Variants in SLC28A1 observed in about 807,000 individuals in gnomAD.
SLC28A1 encodes the protein solute carrier family 28 member 1.
In SLC28A1, 64 loss-of-function variants were observed where a neutral mutation model predicts 74.8. That is an observed-to-expected ratio of 0.86 (90% confidence interval 0.70 to 1.05). SLC28A1 has a LOEUF of 1.05. Ranked by LOEUF, SLC28A1 falls within the 50% of genes least tolerant of loss-of-function variation. SLC28A1 has a pLI of 0.00. For missense variants in SLC28A1, 828 were observed against 822.8 expected (o/e 1.01, Z -0.08); for synonymous variants, 359 against 335.0 (o/e 1.07, Z -0.78).
chr15:84,963,111 C>G, the SLC28A1 span, among the ~76,000 whole-genome samples: 2 of 152,150 alleles, frequency 1.3e-5, no homozygotes, highest in Non-Finnish European at 2.9e-5. Context: ...AACGATATGC[C>G]TGAGATTGAA....
At position 84,945,143 on chromosome 15, in the gene SLC28A1, C is replaced by G; in HGVS notation, c.1893C>G (p.Ser631Arg). The change falls in exon 19 of 19, where the codon AGC (serine) becomes AGG (arginine). Residue 631 changes from serine (S) to arginine (R), a missense_variant. This residue lies in a region of SLC28A1 where 53 missense variants were observed against 44.5 expected (regional missense o/e 1.19). Coordinates refer to ENST00000394573, the MANE Select transcript of SLC28A1 (RefSeq NM_004213.5). Reference sequence around the variant, plus strand: ...TTTTTAGCGTCAATCCAGAGTTCAGCCCAGAGGCCCTGGACAACTGCTGTC... The same window carrying G: ...TTTTTAGCGTCAATCCAGAGTTCAGGCCAGAGGCCCTGGACAACTGCTGTC... ...EAFQSVNPEF[S>R]PEALDNCCRF... The G allele has an allele frequency of 1.2e-6, 2 of 1,614,054 alleles. No homozygotes were observed. The highest frequency in any genetic ancestry group is 1.1e-5 in the South Asian group (1 of 91,078).
chr15:84,935,559 C>T lies in SLC28A1; in HGVS notation c.1581+41C>T, dbSNP rs752427019. The T allele has an allele frequency of 2.7e-5, 42 of 1,553,908 alleles. No individual in the cohort carries two copies. In the East Asian group the frequency reaches 4.3e-4, roughly 16 times the overall value. On this transcript the variant is annotated intron_variant, in intron 15 of 18. Coordinates refer to ENST00000394573, the MANE Select transcript of SLC28A1 (RefSeq NM_004213.5). ...CCTTCCCTGCAGCAGGGGGATGACA[C>T]GGCACAGCCACTCCTCAGGGCCCCT... is the stretch of plus-strand genomic sequence containing the variant.
the SLC28A1 span, chr15:84,961,561 G>A: frequency 2.2e-6 from 1 of 450,662 alleles, no homozygotes; most frequent in African/African-American, 2.0e-5. Flanking sequence ...GGCTGGTCTT[G>A]AACTCCTGGC....
intron 9 of SLC28A1, among the ~76,000 whole-genome samples, chr15:84,918,014 C>G (rs924721225): frequency 1.3e-5 from 2 of 152,034 alleles, no homozygotes; most frequent in Non-Finnish European, 2.9e-5. Context: ...AAGCCTAATT[C>G]TGAGCATGTT....
At chr15:84,951,434 A>G in the SLC28A1 span, among the ~76,000 whole-genome samples, 52 of 63,686 alleles carry the variant, frequency 8.2e-4, no homozygotes, top group East Asian at 0.026. Context: ...TTAAAAAAAA[A>G]TAATTAAAAA....
intron 15 of SLC28A1, among the ~76,000 whole-genome samples, chr15:84,936,732 T>C (rs1039558054): frequency 6.6e-6 from 1 of 152,216 alleles, no homozygotes; most frequent in African/African-American, 2.4e-5. Context: ...GTTATTGTTG[T>C]TTCTTACATT....
chr15:84,921,193 A>G (rs922960405), intron 11 of SLC28A1, 124 bp downstream of exon 11: 4 of 765,630 alleles, frequency 5.2e-6, no homozygotes, highest in Non-Finnish European at 9.2e-6. Context: ...TCCCAGGGTC[A>G]TCAAATTCTG....
chr15:84,895,168 G>A (rs777169032), intron 6 of SLC28A1, 45 bp downstream of exon 6: 2 of 1,606,992 alleles, frequency 1.2e-6, no homozygotes, highest in Admixed American at 1.7e-5. Context: ...GAGGGCCCAT[G>A]AGCTGAGGGG....
rs1491147464 is a variant in SLC28A1 at position 84,935,945 on chromosome 15, G to GT, written c.1581+432dup. Among the ~76,000 whole-genome samples the GT allele has an allele frequency of 3.5e-4, 30 of 85,926 alleles. 1 individual carries two copies. The highest frequency in any genetic ancestry group is 8.9e-4 in the African/African-American group (20 of 22,502). 56.4% of individuals were successfully genotyped at this position (85,926 alleles called of 152,430 possible). A position where few individuals can be genotyped will look rare whatever the true frequency, so the allele number is the denominator to read the frequency against. ...ACCCTCACTGTTTTGTTTTGGTTTG[G>GT]TTTTTGTTTTTTTTTTTTTTTTTTT... On this transcript the variant is annotated intron_variant, in intron 15 of 18. Transcript: ENST00000394573.
At chr15:84,954,005 A>C in the SLC28A1 span, among the ~76,000 whole-genome samples, 2 of 152,190 alleles carry the variant, frequency 1.3e-5, no homozygotes, top group African/African-American at 4.8e-5. Context: ...GTCTTCCTGC[A>C]CTGTGACCTC....
At chr15:84,890,584 C>T (rs750976319) in intron 5 of SLC28A1, 50 bp downstream of exon 5, 4 of 1,406,176 alleles carry the variant, frequency 2.8e-6, no homozygotes, top group East Asian at 2.4e-5. Context: ...CCTGCCTCAG[C>T]TATCCATGTC....
intron 12 of SLC28A1, chr15:84,926,517 A>C (rs1402953752): frequency 2.2e-6 from 1 of 455,168 alleles, no homozygotes; most frequent in Non-Finnish European, 4.4e-6. Context: ...TCACTTTAAA[A>C]ATATTCTTTC....
chr15:84,946,053 TACATAC>T (rs1328921370), downstream of SLC28A1, among the ~76,000 whole-genome samples: 44 of 123,848 alleles, frequency 3.6e-4, no homozygotes, highest in African/African-American at 1.3e-3. Flanking sequence ...CACATATATA[TACATAC>T]ATATATATAT....
At chr15:84,946,734 C>T (rs1056686112), downstream of SLC28A1, among the ~76,000 whole-genome samples, 2 of 152,100 alleles carry the variant, frequency 1.3e-5, no homozygotes, top group African/African-American at 4.8e-5. Flanking sequence ...CGCTGCCTTT[C>T]CTCCCCACCC....
At chr15:84,897,699 C>T (rs1210511994) in intron 6 of SLC28A1, among the ~76,000 whole-genome samples, 3 of 152,232 alleles carry the variant, frequency 2.0e-5, no homozygotes, top group Admixed American at 2.0e-4. Context: ...ACTGTAGCCA[C>T]CTTACTGATC....
rs60285824 is a variant in SLC28A1, at chr15:84,900,871, C to CAAGGAAGGAAGGAAGGAAGG, written c.462-3202_462-3183dup. ...GAAAGGGAAGGGGAAGGGTGAAAGG[C>CAAGGAAGGAAGGAAGGAAGG]AAGGAAGGAAGGAAGGAAGGAAGGA... On this transcript the variant is annotated intron_variant, in intron 6 of 18. Coordinates refer to ENST00000394573, the MANE Select transcript of SLC28A1 (RefSeq NM_004213.5). Among the ~76,000 whole-genome samples the CAAGGAAGGAAGGAAGGAAGG allele has an allele frequency of 4.2e-3, 608 of 146,464 alleles. 2 individuals carry two copies. The highest frequency in any genetic ancestry group is 5.9e-3 in the South Asian group (27 of 4,602).
intron 4 of SLC28A1, 84 bp from the exon 5 acceptor site, chr15:84,890,359 G>A (rs1342853760): frequency 3.0e-6 from 3 of 996,516 alleles, no homozygotes; most frequent in African/African-American, 3.2e-5. Flanking sequence ...CTTTACTGGG[G>A]ACATACCTGA....
intron 15 of SLC28A1, among the ~76,000 whole-genome samples, 165 bp from the exon 16 acceptor site, chr15:84,943,280 C>A (rs142663596): frequency 6.6e-6 from 1 of 152,224 alleles, no homozygotes; most frequent in Non-Finnish European, 1.5e-5. Flanking sequence ...TTTGAGCCAA[C>A]TTAGAGGTGG....
the SLC28A1 span, among the ~76,000 whole-genome samples, chr15:84,954,790 A>T: frequency 6.6e-6 from 1 of 152,164 alleles, no homozygotes; most frequent in East Asian, 1.9e-4. Flanking sequence ...ATACTGAGTC[A>T]TTGTGGTATT....
Sources: gnomAD v4.1 joint callset for allele counts (sites outside exome capture counted in the v4.1 genomes callset) on GRCh38, gnomAD v4.1.1 for gene constraint, gnomAD v4.1.1 regional missense constraint, MANE v1.5 for transcripts, NCBI Gene and HGNC (gene_info 2026-07-23, HGNC 2026-07-21) for gene names.